Variants in FBN1 observed in about 807,000 individuals in gnomAD.
The protein encoded by FBN1 is fibrillin 1.
FBN1 carries 29 observed loss-of-function variants against 365.1 expected under a neutral mutation model. That is an observed-to-expected ratio of 0.08 (90% CI 0.06 to 0.11). The LOEUF (loss-of-function observed/expected upper bound fraction) is 0.11, where lower values mean the gene tolerates loss of function less well. FBN1 is among the 10% of genes least tolerant of loss of function. The pLI, the probability that FBN1 is intolerant of heterozygous loss-of-function variation, is 1.00. For missense variants in FBN1, 2,476 were observed against 3,703.2 expected (o/e 0.67, Z 8.60); for synonymous variants, 1,210 against 1,270.5 (o/e 0.95, Z 1.01).
chr15:48,607,355 CACAT>C (rs2044621485), intron 4 of FBN1, among the ~76,000 whole-genome samples: 1 of 78,994 alleles, frequency 1.3e-5, no homozygotes, highest in Non-Finnish European at 2.5e-5. Flanking sequence ...TATATATATA[CACAT>C]ACATATACAT....
chr15:48,458,842 G>A (rs545028377), intron 43 of FBN1, among the ~76,000 whole-genome samples: 1 of 152,246 alleles, frequency 6.6e-6, no homozygotes, highest in East Asian at 1.9e-4. Flanking sequence ...AGAGTATAAA[G>A]CTTAAATAAA....
At chr15:48,457,986 A>G (rs886903895) in intron 43 of FBN1, among the ~76,000 whole-genome samples, 2 of 152,198 alleles carry the variant, frequency 1.3e-5, no homozygotes, top group Non-Finnish European at 2.9e-5. Context: ...TACAATCTTC[A>G]CAGAACTGTC....
intron 8 of FBN1, 96 bp from the exon 9 acceptor site, chr15:48,526,351 G>A (rs768901056): frequency 1.2e-4 from 163 of 1,342,758 alleles, no homozygotes; most frequent in Non-Finnish European, 1.6e-4. Flanking sequence ...GTCAAATCAT[G>A]TCCCTGGAAA....
intron 56 of FBN1, 137 bp from the exon 57 acceptor site, chr15:48,428,608 C>T: frequency 2.2e-6 from 2 of 910,354 alleles, no homozygotes; most frequent in Non-Finnish European, 3.5e-6. Context: ...TCCTTCCTCC[C>T]TTCCCTCCCT....
chr15:48,425,664 T>G, intron 59 of FBN1, 75 bp downstream of exon 59: 1 of 1,581,030 alleles, frequency 6.3e-7, no homozygotes, highest in Non-Finnish European at 8.7e-7. Flanking sequence ...TTTTTAGATT[T>G]TTAGCTTTGG....
At position 48,481,741 on chromosome 15, in the gene FBN1, C is replaced by T. The variant is rs775904104; in HGVS notation, c.3878G>A (p.Ser1293Asn). The T allele has an allele frequency of 1.2e-6, 2 of 1,613,690 alleles. No homozygotes were observed. The highest frequency in any genetic ancestry group is 3.3e-5 in the Admixed American group (2 of 59,992). ...ECDLNPNICL[S>N]GTCENTKGSF... Reference sequence around the variant, plus strand: ...GCCTTTCGTGTTTTCACAGGTCCCACTTAGGCAGATATTTGGATTCAGGTC... The same window carrying T: ...GCCTTTCGTGTTTTCACAGGTCCCATTTAGGCAGATATTTGGATTCAGGTC... The change falls in exon 32 of 66, where the codon AGT (serine) becomes AAT (asparagine). Residue 1293 changes from serine to asparagine, a missense_variant. Coordinates refer to ENST00000316623, the MANE Select transcript of FBN1 (RefSeq NM_000138.5).
At chr15:48,432,047 T>C (rs573901956) in intron 55 of FBN1, among the ~76,000 whole-genome samples, 2 of 152,350 alleles carry the variant, frequency 1.3e-5, no homozygotes, top group East Asian at 3.9e-4. Flanking sequence ...TCTTATTCTC[T>C]ACTGGTTCTT....
chr15:48,605,514 G>A (rs1218102604), intron 4 of FBN1, among the ~76,000 whole-genome samples: 1 of 152,178 alleles, frequency 6.6e-6, no homozygotes, highest in Non-Finnish European at 1.5e-5. Context: ...TAAACAGCTA[G>A]TATTTAGAGT....
intron 6 of FBN1, among the ~76,000 whole-genome samples, chr15:48,590,930 G>C (rs1354615081): frequency 6.6e-6 from 1 of 152,186 alleles, no homozygotes; most frequent in Non-Finnish European, 1.5e-5. Flanking sequence ...TGTCTTCACA[G>C]TTTAGACTTG....
intron 2 of FBN1, among the ~76,000 whole-genome samples, chr15:48,635,231 T>C (rs1426507829): frequency 2.0e-5 from 3 of 152,304 alleles, no homozygotes; most frequent in Admixed American, 6.5e-5. Flanking sequence ...ATGGTGGAGA[T>C]AGGGATTTTT....
intron 6 of FBN1, among the ~76,000 whole-genome samples, chr15:48,574,340 A>T (rs2044328688): frequency 6.6e-6 from 1 of 152,212 alleles, no homozygotes; most frequent in Non-Finnish European, 1.5e-5. Flanking sequence ...TAAGAATGTC[A>T]AATGGAAGGA....
intron 6 of FBN1, among the ~76,000 whole-genome samples, chr15:48,568,215 A>G (rs2044276423): frequency 6.6e-6 from 1 of 151,674 alleles, no homozygotes; most frequent in Admixed American, 6.6e-5. Context: ...ATAGTTTTAT[A>G]TACTAACAAT....
intron 13 of FBN1, 41 bp from the exon 14 acceptor site, chr15:48,510,210 G>T: frequency 6.2e-7 from 1 of 1,604,440 alleles, no homozygotes. Context: ...CTTTATTTAG[G>T]GGAGTTAAAA....
intron 16 of FBN1, 105 bp downstream of exon 16, chr15:48,504,920 C>A: frequency 6.8e-7 from 1 of 1,462,706 alleles, no homozygotes; most frequent in South Asian, 1.1e-5. Flanking sequence ...TGCAAATATT[C>A]TTTATATCTT....
At chr15:48,638,647 G>A (rs1212394720) in intron 2 of FBN1, among the ~76,000 whole-genome samples, 1 of 147,080 alleles carries the variant, frequency 6.8e-6, no homozygotes. Flanking sequence ...CATTATGGCT[G>A]CAATTTAATG....
At chr15:48,448,652 AT>A in intron 46 of FBN1, 115 bp downstream of exon 46, 1 of 996,506 alleles carries the variant, frequency 1.0e-6, no homozygotes, top group Non-Finnish European at 1.5e-6. Context: ...CTGTGTTTTT[AT>A]TTTGTATATA....
intron 10 of FBN1, 77 bp from the exon 11 acceptor site, chr15:48,516,439 T>A: frequency 6.3e-6 from 9 of 1,424,052 alleles, no homozygotes; most frequent in Non-Finnish European, 8.8e-6. Flanking sequence ...GTCATCCTTA[T>A]TTTTTTAAAG....
chr15:48,554,365 C>T (rs2044164286), intron 6 of FBN1, among the ~76,000 whole-genome samples: 1 of 152,156 alleles, frequency 6.6e-6, no homozygotes. Flanking sequence ...GTTTCAGGAC[C>T]TTGTTCTCAT....
chr15:48,547,991 G>A (rs572694396), intron 6 of FBN1, among the ~76,000 whole-genome samples: 1 of 152,178 alleles, frequency 6.6e-6, no homozygotes, highest in African/African-American at 2.4e-5. Context: ...GGGAGCTGAG[G>A]GGGTGGGAGA....
Sources: allele counts gnomAD v4.1 joint callset (sites outside exome capture counted in the v4.1 genomes callset), GRCh38; gene constraint gnomAD v4.1.1; transcripts MANE v1.5; gene names NCBI Gene and HGNC (gene_info 2026-07-23, HGNC 2026-07-21).